OCLN: variants seen among roughly 807,000 people sequenced by gnomAD.
The protein encoded by OCLN is phosphatase 1, regulatory subunit 115.
Under a neutral mutation model 47.9 loss-of-function variants are expected in OCLN, and 21 were observed. That is an observed-to-expected ratio of 0.44 (90% confidence interval 0.31 to 0.63). The LOEUF is 0.63. Among genes scored for constraint, OCLN ranks in the 30% least tolerant of loss-of-function variants. The pLI is 0.08. For synonymous variants in OCLN, 117 were observed against 198.4 expected, an observed-to-expected ratio of 0.59 and a Z score of 3.45; for missense variants, 360 against 571.0, an observed-to-expected ratio of 0.63 and a Z score of 3.77.
intron 3 of OCLN, among the ~76,000 whole-genome samples, chr5:69,512,456 T>G (rs1384306586): frequency 6.6e-6 from 1 of 152,214 alleles, no homozygotes; most frequent in Non-Finnish European, 1.5e-5. Context: ...TACTGTAACT[T>G]TATAGTAAGT....
intron 4 of OCLN, among the ~76,000 whole-genome samples, chr5:69,528,793 C>T (rs971658316): frequency 6.6e-6 from 1 of 152,174 alleles, no homozygotes; most frequent in African/African-American, 2.4e-5. Context: ...GTTTGCCTGG[C>T]ACATGCTGAA....
chr5:69,497,385 A>ATTTTTT, intron 1 of OCLN, among the ~76,000 whole-genome samples: 1 of 116,316 alleles, frequency 8.6e-6, no homozygotes, highest in Non-Finnish European at 1.7e-5. Flanking sequence ...GTTTTTCTAG[A>ATTTTTT]TTTTTTTTTT....
intron 4 of OCLN, among the ~76,000 whole-genome samples, chr5:69,518,254 G>A (rs1488799592): frequency 6.6e-6 from 1 of 152,126 alleles, no homozygotes; most frequent in Non-Finnish European, 1.5e-5. Flanking sequence ...TGTTGCATGT[G>A]GACTTCATTG....
rs1768532571 is a variant in OCLN, at chr5:69,504,187, C to T, written c.-58C>T. The T allele has an allele frequency of 8.4e-7, 1 of 1,186,778 alleles. No individual in the cohort carries two copies. Among genetic ancestry groups the T allele is most frequent in the Non-Finnish European group, 1.3e-6 (1 of 789,982 alleles). The allele number at this position is 1,186,778 out of a possible 1,614,324, so 73.5% of individuals were successfully genotyped here. Reference sequence around the variant, plus strand: ...ACTTTTGTTGCTTAGATTGGTTTATCTTGGAAGCTAAAGGGCATTGCTCAT... The same window carrying T: ...ACTTTTGTTGCTTAGATTGGTTTATTTTGGAAGCTAAAGGGCATTGCTCAT... On this transcript the variant is annotated 5_prime_UTR_variant, in exon 2 of 9. Coordinates refer to ENST00000396442, the MANE Select transcript of OCLN (RefSeq NM_001205254.2).
At chr5:69,547,509 T>C (rs1769741075) in intron 6 of OCLN, among the ~76,000 whole-genome samples, 1 of 122,368 alleles carries the variant, frequency 8.2e-6, no homozygotes, top group East Asian at 2.2e-4. Context: ...AGGTGGAGGT[T>C]GCAGTGAGCC....
At chr5:69,502,576 G>T (rs1306101078) in intron 1 of OCLN, 1 of 152,168 alleles carries the variant, frequency 6.6e-6, no homozygotes, top group African/African-American at 2.4e-5. Context: ...CCTTCCAGTA[G>T]ATCTCAAAGT....
Position 69,493,393 on chromosome 5 carries a change from G to T in OCLN, c.-69+493G>T, listed in dbSNP as rs574875359. ...TCCCGGGGGGAATTTCATTCCTTCCGCTCCCACCCCACCCCTTTGGATATC... is the reference window on the plus strand; with the variant it reads ...TCCCGGGGGGAATTTCATTCCTTCCTCTCCCACCCCACCCCTTTGGATATC... On this transcript the variant is annotated intron_variant, in intron 1 of 8. Transcript: ENST00000396442. This position sits in a 1 kb window ranked among gnomAD's most constrained non-coding sequence, Gnocchi z 5.3. 1.0e-3 allele frequency among the ~76,000 whole-genome samples: 152 copies of T among 152,134 alleles called. No individual in the cohort carries two copies. The highest frequency in any genetic ancestry group is 3.4e-3 in the African/African-American group (141 of 41,530).
intron 4 of OCLN, among the ~76,000 whole-genome samples, chr5:69,515,635 C>T (rs1406873415): frequency 7.3e-6 from 1 of 136,320 alleles, no homozygotes; most frequent in Non-Finnish European, 1.6e-5. Flanking sequence ...GGGCGGGGGG[C>T]TGACCCCCCC....
intron 1 of OCLN, among the ~76,000 whole-genome samples, chr5:69,496,541 C>T (rs1768297076): frequency 6.8e-6 from 1 of 146,066 alleles, no homozygotes; most frequent in Admixed American, 6.8e-5. Flanking sequence ...CATTTTCAGA[C>T]TATTTTTTCT....
intron 5 of OCLN, 46 bp downstream of exon 5, chr5:69,534,885 G>A (rs1319027814): frequency 6.4e-7 from 1 of 1,551,812 alleles, no homozygotes; most frequent in Non-Finnish European, 8.7e-7. Flanking sequence ...GTAAAAATGA[G>A]TATTTGCATA....
rs942681114 is a variant in OCLN, at chr5:69,493,868, C to T, written c.-69+968C>T. 6.6e-6 allele frequency among the ~76,000 whole-genome samples: 1 copy of T among 152,148 alleles called. No individual in the cohort carries two copies. The highest frequency in any genetic ancestry group is 2.4e-5 in the African/African-American group (1 of 41,440). On this transcript the variant is annotated intron_variant, in intron 1 of 8. Coordinates refer to ENST00000396442, the MANE Select transcript of OCLN (RefSeq NM_001205254.2). The surrounding 1 kb of genome is among the most constrained non-coding windows in gnomAD (Gnocchi z 5.3). ...TGCGCCTAGGGGTTGGGAGCGGCGC[C>T]GAGCCCCTCGCGCTCCTCGGGAAGC... is the stretch of plus-strand genomic sequence containing the variant.
At chr5:69,497,385 A>T (rs1003897995) in intron 1 of OCLN, among the ~76,000 whole-genome samples, 18 of 116,278 alleles carry the variant, frequency 1.5e-4, no homozygotes, top group Admixed American at 3.1e-4. Context: ...GTTTTTCTAG[A>T]TTTTTTTTTT....
At position 69,533,076 on chromosome 5, in the gene OCLN, CATAT is replaced by C. The variant is rs200973400; in HGVS notation, c.892-1608_892-1605del. 4.6e-4 allele frequency among the ~76,000 whole-genome samples: 67 copies of C among 144,152 alleles called. 2 individuals are homozygous for C. The East Asian group carries it at 0.013, about 27-fold the overall frequency. The allele number at this position is 144,152 out of a possible 152,430, so 94.6% of individuals were successfully genotyped here. ...ATATATACATATATATATACACACA[CATAT>C]ATATATATACACACACACACACACA... On this transcript the variant is annotated intron_variant, in intron 4 of 8. Transcript: ENST00000396442.
At chr5:69,498,814 G>A (rs760271946) in intron 1 of OCLN, among the ~76,000 whole-genome samples, 17 of 151,910 alleles carry the variant, frequency 1.1e-4, no homozygotes, top group Non-Finnish European at 1.6e-4. Context: ...TGAGTAGCTG[G>A]GATTACAGGC....
chr5:69,518,927 A>G (rs1769051497), intron 4 of OCLN, among the ~76,000 whole-genome samples: 2 of 152,174 alleles, frequency 1.3e-5, no homozygotes, highest in South Asian at 4.1e-4. Context: ...ACTTGAGCCC[A>G]GGAGTTTAAG....
In OCLN at chr5:69,509,348, G is replaced by A. The variant is rs766164237; in HGVS notation, c.258G>A (p.Thr86=). 1.3e-5 allele frequency: 21 copies of A among 1,613,998 alleles called. No individual in the cohort carries two copies. Among genetic ancestry groups the A allele is most frequent in the Admixed American group, 1.7e-5 (1 of 59,996 alleles). ...CIAIFACVAS[T]LAWDRGYGTS... ...CCATCTTTGCCTGTGTGGCCTCCAC[G>A]CTTGCCTGGGACAGAGGCTATGGAA... Residue 86 remains threonine, a synonymous_variant, in exon 3 of 9, where the codon ACG becomes ACA. Coordinates refer to ENST00000396442, the MANE Select transcript of OCLN (RefSeq NM_001205254.2).
intron 1 of OCLN, among the ~76,000 whole-genome samples, chr5:69,499,048 T>C (rs905871482): frequency 2.0e-5 from 3 of 152,152 alleles, no homozygotes; most frequent in Non-Finnish European, 2.9e-5. Flanking sequence ...AGAATTGTGA[T>C]ATTGTAGTTT....
intron 4 of OCLN, among the ~76,000 whole-genome samples, chr5:69,522,650 G>A (rs765371910): frequency 7.2e-5 from 11 of 151,942 alleles, no homozygotes; most frequent in Non-Finnish European, 1.3e-4. Flanking sequence ...TTTTAGAATA[G>A]TTTTATTAAT....
chr5:69,548,320 T>G (rs561720405), intron 7 of OCLN, among the ~76,000 whole-genome samples: 129 of 147,220 alleles, frequency 8.8e-4, no homozygotes, highest in African/African-American at 3.0e-3. Flanking sequence ...ATTCTGTTTT[T>G]TTTTTTTTTT....
Sources: allele counts gnomAD v4.1 joint callset (sites outside exome capture counted in the v4.1 genomes callset), GRCh38; gene constraint gnomAD v4.1.1; non-coding constraint Gnocchi (gnomAD v3.1); transcripts MANE v1.5; gene names NCBI Gene and HGNC (gene_info 2026-07-23, HGNC 2026-07-21).